The following DDR2 variants were observed in gnomAD, a reference collection of about 807,000 sequenced individuals.
DDR2 encodes the protein discoidin domain-containing receptor 2.
A neutral mutation model predicts 94.9 loss-of-function variants in DDR2; 27 were observed. The observed-to-expected ratio is 0.28, with a 90% CI of 0.21 to 0.39. The LOEUF (loss-of-function observed/expected upper bound fraction) is 0.39. Ranked by LOEUF, DDR2 falls within the 10% of genes least tolerant of loss-of-function variation. The pLI, the probability that DDR2 is intolerant of heterozygous loss-of-function variation, is 1.00. For missense variants in DDR2, 783 were observed against 1,076.0 expected, an observed-to-expected ratio of 0.73 and a Z score of 3.81; for synonymous variants, 382 against 377.2, an observed-to-expected ratio of 1.01 and a Z score of -0.15.
rs76767314 is a variant in DDR2 at position 162,766,580 on chromosome 1, C to G, written c.1162+517C>G. 1.6e-3 allele frequency among the ~76,000 whole-genome samples: 237 copies of G among 152,238 alleles called. 1 individual carries two copies. Among genetic ancestry groups the G allele is most frequent in the Non-Finnish European group, 2.8e-3 (190 of 68,026 alleles). The stretch of plus-strand genomic sequence containing the variant: ...GCAGAGAGTGAAACTGGTTCCTCAC[C>G]TGTTTTTCATGAGGTGTGATTAAGG... On this transcript the variant is annotated intron_variant, in intron 10 of 17. Transcript: ENST00000367921.
chr1:162,659,868 G>T (rs1658202420), intron 2 of DDR2, among the ~76,000 whole-genome samples: 1 of 152,160 alleles, frequency 6.6e-6, no homozygotes, highest in Admixed American at 6.5e-5. Flanking sequence ...TTAAGGGTTA[G>T]CCACAAACTC....
At chr1:162,634,804 C>T (rs1656735681) in intron 1 of DDR2, among the ~76,000 whole-genome samples, 1 of 152,208 alleles carries the variant, frequency 6.6e-6, no homozygotes, top group African/African-American at 2.4e-5. Flanking sequence ...GGACCAGTCC[C>T]CTGATTGCTC....
chr1:162,771,493 A>G (rs1647212576), intron 12 of DDR2, among the ~76,000 whole-genome samples: 1 of 152,252 alleles, frequency 6.6e-6, no homozygotes, highest in East Asian at 1.9e-4. Context: ...GCAAGAATAA[A>G]GGATATAAAC....
At position 162,783,675 on chromosome 1, in the gene DDR2, A is replaced by G. The variant is rs1648023362; in HGVS notation, c.*3429A>G. On this transcript the variant is annotated 3_prime_UTR_variant, in exon 18 of 18. Coordinates refer to ENST00000367921, the MANE Select transcript of DDR2 (RefSeq NM_006182.4). ...GATGATAGAGATGATAAAAATATTT[A>G]TTAAGAAATGAAGTCAGGTTCAGTG... The G allele has an allele frequency of 6.6e-6, 1 of 152,246 alleles. No homozygotes were observed. Among genetic ancestry groups the G allele is most frequent in the Non-Finnish European group, 1.5e-5 (1 of 68,038 alleles). The allele number at this position is 152,246 out of a possible 1,614,324, so 9.4% of individuals were successfully genotyped here. A position where few individuals can be genotyped will look rare whatever the true frequency, so the allele number is the denominator to read the frequency against.
intron 9 of DDR2, among the ~76,000 whole-genome samples, chr1:162,762,659 G>A (rs1663802012): frequency 6.6e-6 from 1 of 152,158 alleles, no homozygotes; most frequent in Admixed American, 6.5e-5. Context: ...TGAAAGAGCA[G>A]CATACGTGAC....
intron 2 of DDR2, among the ~76,000 whole-genome samples, chr1:162,685,259 G>C (rs1247038838): frequency 6.6e-6 from 1 of 152,164 alleles, no homozygotes; most frequent in Non-Finnish European, 1.5e-5. Context: ...TTAGAACAGA[G>C]TGAAGCAGAA....
chr1:162,676,358 T>C (rs1365689148), intron 2 of DDR2, among the ~76,000 whole-genome samples: 2 of 152,192 alleles, frequency 1.3e-5, no homozygotes, highest in African/African-American at 4.8e-5. Context: ...CACACAGCAC[T>C]TTCCTCTACA....
chr1:162,753,118 A>C lies in DDR2; in HGVS notation c.106A>C (p.Met36Leu), dbSNP rs754042880. The change falls in exon 4 of 18, where the codon ATG becomes CTG. Residue 36 changes from methionine to leucine, a missense_variant. By Grantham distance (15) the Met-to-Leu change is conservative. Coordinates refer to ENST00000367921, the MANE Select transcript of DDR2 (RefSeq NM_006182.4). ...NPAICRYPLG[M>L]SGGQIPDEDI... is the part of the protein sequence containing the mutation. ...AGCTATATGCCGCTATCCTCTGGGCATGTCAGGAGGCCAGATTCCAGATGA... is the reference window on the plus strand; with the variant it reads ...AGCTATATGCCGCTATCCTCTGGGCCTGTCAGGAGGCCAGATTCCAGATGA... 2.5e-6 allele frequency: 4 copies of C among 1,613,674 alleles called. No individual in the cohort carries two copies. The highest frequency in any genetic ancestry group is 1.7e-6 in the Non-Finnish European group (2 of 1,179,742).
chr1:162,686,863 C>G (rs1389680028), intron 2 of DDR2, among the ~76,000 whole-genome samples: 1 of 152,230 alleles, frequency 6.6e-6, no homozygotes, highest in Non-Finnish European at 1.5e-5. Context: ...CAGGCATGAG[C>G]CACCACGCCT....
At chr1:162,751,988 G>A (rs993843123) in intron 3 of DDR2, among the ~76,000 whole-genome samples, 3 of 152,114 alleles carry the variant, frequency 2.0e-5, no homozygotes, top group Non-Finnish European at 4.4e-5. Flanking sequence ...ACACACTGGG[G>A]CCTGTCGTGG....
chr1:162,701,357 G>T (rs1268902418), intron 2 of DDR2, among the ~76,000 whole-genome samples: 2 of 152,252 alleles, frequency 1.3e-5, no homozygotes. Flanking sequence ...AGGTAACAAT[G>T]ATCAGCTCTG....
chr1:162,652,739 C>T (rs1472876521), intron 1 of DDR2, among the ~76,000 whole-genome samples: 1 of 152,194 alleles, frequency 6.6e-6, no homozygotes, highest in Non-Finnish European at 1.5e-5. Context: ...CAAGTAGACA[C>T]TAAGCAACCT....
At chr1:162,711,860 A>T (rs1436713417) in intron 2 of DDR2, among the ~76,000 whole-genome samples, 1 of 152,130 alleles carries the variant, frequency 6.6e-6, no homozygotes, top group Non-Finnish European at 1.5e-5. Context: ...ATACATATAT[A>T]ATCTATCATG....
intron 2 of DDR2, among the ~76,000 whole-genome samples, chr1:162,697,574 C>T (rs757561945): frequency 9.9e-5 from 15 of 152,116 alleles, no homozygotes; most frequent in Non-Finnish European, 2.2e-4. Context: ...GTTGTAATGT[C>T]ATGATTATTT....
At chr1:162,661,164 C>A (rs982032608) in intron 2 of DDR2, among the ~76,000 whole-genome samples, 12 of 152,084 alleles carry the variant, frequency 7.9e-5, no homozygotes, top group African/African-American at 2.7e-4. Flanking sequence ...CTGTGACTTT[C>A]CAAAATCCAT....
At chr1:162,680,055 C>T (rs1659330162) in intron 2 of DDR2, among the ~76,000 whole-genome samples, 1 of 152,008 alleles carries the variant, frequency 6.6e-6, no homozygotes, top group Non-Finnish European at 1.5e-5. Flanking sequence ...TGTTGTTCCC[C>T]TCCTAGTTTG....
intron 3 of DDR2, among the ~76,000 whole-genome samples, chr1:162,733,646 A>C (rs1261717752): frequency 6.6e-6 from 1 of 152,174 alleles, no homozygotes; most frequent in Non-Finnish European, 1.5e-5. Flanking sequence ...ATTGTGTGCA[A>C]TACTTGTAGC....
intron 2 of DDR2, chr1:162,704,907 C>T (rs1179181359): frequency 2.0e-5 from 3 of 152,222 alleles, no homozygotes. Flanking sequence ...AGGGGTTTTC[C>T]ATGCGGGGCC....
chr1:162,636,030 A>G (rs1461789927), intron 1 of DDR2, among the ~76,000 whole-genome samples: 1 of 152,252 alleles, frequency 6.6e-6, no homozygotes, highest in African/African-American at 2.4e-5. Flanking sequence ...CCTCGTGTCT[A>G]AAGTGATGAT....
Sources: allele counts gnomAD v4.1 joint callset (sites outside exome capture counted in the v4.1 genomes callset), GRCh38; gene constraint gnomAD v4.1.1; transcripts MANE v1.5; gene names NCBI Gene and HGNC (gene_info 2026-07-23, HGNC 2026-07-21).